The following GANC variants were observed in gnomAD, a reference collection of about 807,000 sequenced individuals.
GANC encodes glucosidase alpha, neutral C, also known as neutral alpha-glucosidase C.
Under a neutral mutation model 124.2 loss-of-function variants are expected in GANC, and 117 were observed. That is an observed-to-expected ratio of 0.94 (90% CI 0.81 to 1.10). The LOEUF (loss-of-function observed/expected upper bound fraction) is 1.10. Among genes scored for constraint, GANC ranks in the 50% least tolerant of loss-of-function variants. The pLI is 0.00. For missense variants in GANC, 1,140 were observed against 1,095.0 expected (o/e 1.04, Z -0.58); for synonymous variants, 377 against 376.8 (o/e 1.00, Z -0.01).
intron 1 of GANC, among the ~76,000 whole-genome samples, chr15:42,275,430 GACAA>G (rs1311072076): frequency 2.0e-5 from 3 of 152,102 alleles, no homozygotes; most frequent in Admixed American, 6.5e-5. Context: ...TTCAGTGAAG[GACAA>G]ACAGTTTTTT....
intron 10 of GANC, among the ~76,000 whole-genome samples, chr15:42,321,402 GC>G (rs2052155351): frequency 6.6e-6 from 1 of 152,062 alleles, no homozygotes; most frequent in Non-Finnish European, 1.5e-5. Flanking sequence ...TGTTCCCTGT[GC>G]CCGGAATGCT....
intron 21 of GANC, 105 bp from the exon 22 acceptor site, chr15:42,349,278 A>ATT: frequency 1.4e-6 from 1 of 736,084 alleles, no homozygotes; most frequent in Middle Eastern, 2.4e-4. Context: ...TATAGCTTGA[A>ATT]TTTTTCACAA....
chr15:42,329,210 TAATA>T (rs2141063618), intron 13 of GANC, 92 bp from the exon 14 acceptor site: 1 of 1,235,422 alleles, frequency 8.1e-7, no homozygotes, highest in South Asian at 1.5e-5. Flanking sequence ...AGAGCATAGA[TAATA>T]AACATAATTT....
intron 6 of GANC, among the ~76,000 whole-genome samples, chr15:42,302,148 G>A (rs1281294618): frequency 6.6e-6 from 1 of 152,210 alleles, no homozygotes; most frequent in African/African-American, 2.4e-5. Context: ...TAAGCTTCCA[G>A]AGGAAGGAAC....
At chr15:42,326,217 C>T in intron 11 of GANC, 81 bp from the exon 12 acceptor site, 4 of 1,016,540 alleles carry the variant, frequency 3.9e-6, no homozygotes, top group Non-Finnish European at 4.5e-6. Flanking sequence ...AATTGAACCC[C>T]CAAACTATGG....
intron 15 of GANC, among the ~76,000 whole-genome samples, chr15:42,334,165 C>CT (rs34880460): frequency 2.1e-5 from 3 of 140,412 alleles, no homozygotes; most frequent in South Asian, 2.3e-4. Flanking sequence ...AGAATAAAAT[C>CT]TTTTTTTTTT....
At chr15:42,344,349 G>A (rs2052347976) in intron 19 of GANC, among the ~76,000 whole-genome samples, 1 of 152,088 alleles carries the variant, frequency 6.6e-6, no homozygotes, top group South Asian at 2.1e-4. Context: ...GGCTTCCTTG[G>A]TTTGTAGCCA....
At chr15:42,314,286 T>A (rs2052083795) in intron 10 of GANC, 3 of 629,698 alleles carry the variant, frequency 4.8e-6, no homozygotes, top group Non-Finnish European at 8.5e-6. Flanking sequence ...GGGGGCATTT[T>A]CTCAGCAGAA....
At chr15:42,334,579 G>A (rs2052269939) in intron 15 of GANC, among the ~76,000 whole-genome samples, 1 of 152,112 alleles carries the variant, frequency 6.6e-6, no homozygotes, top group Non-Finnish European at 1.5e-5. Flanking sequence ...AAAAATGTCT[G>A]CCCTTTCAAA....
At chr15:42,288,090 C>T (rs1481636563) in intron 4 of GANC, among the ~76,000 whole-genome samples, 2 of 152,114 alleles carry the variant, frequency 1.3e-5, no homozygotes, top group African/African-American at 2.4e-5. Context: ...AGAAGCAGAA[C>T]TTTGATCCCT....
intron 10 of GANC, 129 bp downstream of exon 10, chr15:42,310,975 A>G: frequency 9.8e-7 from 1 of 1,020,324 alleles, no homozygotes. Context: ...TTTAATTAGC[A>G]AGCATTTCTG....
chr15:42,314,289 C>T (rs2052083859), intron 10 of GANC: 1 of 625,070 alleles, frequency 1.6e-6, no homozygotes, highest in African/African-American at 1.8e-5. Context: ...GGCATTTTCT[C>T]AGCAGAATTT....
intron 15 of GANC, among the ~76,000 whole-genome samples, chr15:42,336,952 A>G (rs187006008): frequency 1.7e-4 from 26 of 152,372 alleles, no homozygotes; most frequent in African/African-American, 6.0e-4. Context: ...CACACCATTC[A>G]GAATGGCTGT....
intron 22 of GANC, among the ~76,000 whole-genome samples, chr15:42,350,447 A>C (rs1400042025): frequency 1.3e-5 from 2 of 152,072 alleles, no homozygotes; most frequent in Non-Finnish European, 2.9e-5. Context: ...ATAATATCCA[A>C]GTCACATTTG....
chr15:42,280,033 A>G (rs16972989), intron 3 of GANC, among the ~76,000 whole-genome samples: 5,558 of 152,332 alleles, frequency 0.036, 98 homozygotes, highest in Non-Finnish European at 0.042. Context: ...ATCTTCATCC[A>G]TAACTTTCTT....
In GANC at chr15:42,352,520, C is replaced by T. The variant is rs2052458208; in HGVS notation, c.*381C>T. ...CTTGCCTCAGGCCATGCAGCATTGGCGCTCTGGCTGCAGCAGCTGAGTTGC... is the reference window on the plus strand; with the variant it reads ...CTTGCCTCAGGCCATGCAGCATTGGTGCTCTGGCTGCAGCAGCTGAGTTGC... On this transcript the variant is annotated 3_prime_UTR_variant, in exon 24 of 24. Transcript: ENST00000318010. 6.8e-6 allele frequency: 7 copies of T among 1,035,982 alleles called. No individual in the cohort carries two copies. The highest frequency in any genetic ancestry group is 4.7e-4 in the Middle Eastern group (1 of 2,110). The allele number at this position is 1,035,982 out of a possible 1,614,324, so 64.2% of individuals were successfully genotyped here.
chr15:42,341,368 A>G (rs1035247970), intron 18 of GANC, among the ~76,000 whole-genome samples: 7 of 152,186 alleles, frequency 4.6e-5, no homozygotes, highest in African/African-American at 1.7e-4. Context: ...GTAGAAAAAA[A>G]CAGCCCAGGT....
At chr15:42,348,278 A>C in intron 21 of GANC, 62 bp downstream of exon 21, 1 of 984,274 alleles carries the variant, frequency 1.0e-6, no homozygotes. Context: ...TAGCCTTTTG[A>C]GTGTGTGACA....
chr15:42,273,539 C>T lies in GANC; in HGVS notation c.-943C>T, dbSNP rs1033931920. 4 of 1,411,270 alleles carry T rather than the reference C, an allele frequency of 2.8e-6. No individual in the cohort carries two copies. The highest frequency in any genetic ancestry group is 2.8e-6 in the Non-Finnish European group (3 of 1,059,254). 87.4% of individuals were successfully genotyped at this position (1,411,270 alleles called of 1,614,324 possible). A position where few individuals can be genotyped will look rare whatever the true frequency, so the allele number is the denominator to read the frequency against. On this transcript the variant is annotated 5_prime_UTR_variant, in exon 1 of 24. Coordinates refer to ENST00000318010, the MANE Select transcript of GANC (RefSeq NM_198141.3). ...TTGTTTGCTGTGCGGCGTAGCGGCC[C>T]CTCTCTCAGACAGTCGTCTGTGCGC...
Sources: allele counts gnomAD v4.1 joint callset (sites outside exome capture counted in the v4.1 genomes callset), GRCh38; gene constraint gnomAD v4.1.1; transcripts MANE v1.5; gene names NCBI Gene and HGNC (gene_info 2026-07-23, HGNC 2026-07-21).